Variants in CNTN3 observed in about 807,000 individuals in gnomAD.
CNTN3 encodes the protein contactin 3.
In CNTN3, 60 loss-of-function variants were observed where a neutral mutation model predicts 119.1. The observed-to-expected ratio is 0.50, with a 90% CI of 0.41 to 0.62. The LOEUF is 0.62. Ranked by LOEUF, CNTN3 falls within the 20% of genes least tolerant of loss-of-function variation. CNTN3 has a pLI of 0.00. For missense variants in CNTN3, 1,101 were observed against 1,242.4 expected (o/e 0.89, Z 1.71); for synonymous variants, 450 against 438.7 (o/e 1.03, Z -0.32).
chr3:74,446,016 C>T (rs574555809), intron 4 of CNTN3, among the ~76,000 whole-genome samples: 1 of 152,262 alleles, frequency 6.6e-6, no homozygotes, highest in Non-Finnish European at 1.5e-5. Flanking sequence ...AAGGCCACAT[C>T]TTTGTCCTCC....
chr3:74,553,285 A>G (rs2107163341), intron 1 of CNTN3, among the ~76,000 whole-genome samples: 2 of 152,292 alleles, frequency 1.3e-5, no homozygotes, highest in East Asian at 3.9e-4. Flanking sequence ...TTATGGCTAC[A>G]TAGTATTCCG....
intron 5 of CNTN3, among the ~76,000 whole-genome samples, chr3:74,403,482 C>T (rs1398338643): frequency 6.6e-6 from 1 of 152,112 alleles, no homozygotes; most frequent in Admixed American, 6.6e-5. Flanking sequence ...AGACTCGACC[C>T]AGAAACTTCA....
At chr3:74,357,822 C>T (rs949306483) in intron 11 of CNTN3, among the ~76,000 whole-genome samples, 19 of 152,002 alleles carry the variant, frequency 1.2e-4, no homozygotes, top group Admixed American at 5.9e-4. Context: ...TCATAAATAT[C>T]CCATTAAAAA....
At chr3:74,610,406 G>A (rs1705061858) in intron 1 of CNTN3, among the ~76,000 whole-genome samples, 1 of 151,926 alleles carries the variant, frequency 6.6e-6, no homozygotes, top group Non-Finnish European at 1.5e-5. Flanking sequence ...CGTTAGGGCT[G>A]GACAGGGCTA....
At chr3:74,289,200 TAA>T (rs553851151) in intron 19 of CNTN3, among the ~76,000 whole-genome samples, 93 of 152,372 alleles carry the variant, frequency 6.1e-4, no homozygotes, top group South Asian at 1.0e-3. Context: ...TATCTTGGTG[TAA>T]TTACATAAAT....
intron 13 of CNTN3, among the ~76,000 whole-genome samples, chr3:74,304,504 T>A (rs592843): frequency 0.081 from 12,324 of 152,260 alleles, 606 homozygotes; most frequent in East Asian, 0.23. Flanking sequence ...AAGGTTGTTA[T>A]TCTTGCCAAC....
chr3:74,457,090 A>C (rs1032680042), intron 4 of CNTN3, among the ~76,000 whole-genome samples: 1 of 152,082 alleles, frequency 6.6e-6, no homozygotes, highest in Non-Finnish European at 1.5e-5. Context: ...GAAAAAACAA[A>C]ATTCAGATTC....
chr3:74,445,731 G>A (rs759350988), intron 4 of CNTN3, among the ~76,000 whole-genome samples: 2 of 152,202 alleles, frequency 1.3e-5, no homozygotes, highest in Non-Finnish European at 2.9e-5. Context: ...AGAAAAGAAT[G>A]TGCACTATCA....
intron 1 of CNTN3, among the ~76,000 whole-genome samples, chr3:74,593,903 T>C (rs1313350548): frequency 1.3e-5 from 2 of 151,904 alleles, no homozygotes. Context: ...TGGGCCACCC[T>C]AGAACAGAGT....
intron 13 of CNTN3, among the ~76,000 whole-genome samples, chr3:74,324,012 A>T (rs561501883): frequency 1.9e-3 from 292 of 152,018 alleles, no homozygotes; most frequent in African/African-American, 5.5e-3. Context: ...TCAGAGATTT[A>T]AAAAAAACCA....
At chr3:74,397,217 G>A (rs1705078668) in intron 5 of CNTN3, among the ~76,000 whole-genome samples, 2 of 152,092 alleles carry the variant, frequency 1.3e-5, no homozygotes, top group African/African-American at 4.8e-5. Flanking sequence ...CAAAACATGG[G>A]TGAGAGTATT....
intron 13 of CNTN3, among the ~76,000 whole-genome samples, chr3:74,333,837 AC>A (rs1703328108): frequency 6.6e-6 from 1 of 152,180 alleles, no homozygotes; most frequent in Admixed American, 6.5e-5. Flanking sequence ...AGTTGAGTTG[AC>A]CATCATATGG....
intron 4 of CNTN3, among the ~76,000 whole-genome samples, chr3:74,466,746 T>C (rs1480422667): frequency 6.6e-6 from 1 of 152,096 alleles, no homozygotes; most frequent in African/African-American, 2.4e-5. Flanking sequence ...GTATTTAACA[T>C]AAAAATTTTC....
At chr3:74,579,567 AG>A (rs1415690270) in intron 1 of CNTN3, among the ~76,000 whole-genome samples, 2 of 152,178 alleles carry the variant, frequency 1.3e-5, no homozygotes, top group Non-Finnish European at 2.9e-5. Context: ...AATAATAAAT[AG>A]TATGTTATGT....
intron 4 of CNTN3, among the ~76,000 whole-genome samples, chr3:74,463,792 C>T (rs912909240): frequency 2.6e-5 from 4 of 152,130 alleles, no homozygotes; most frequent in African/African-American, 9.7e-5. Context: ...AATGAAATGA[C>T]GCTGTTGTCT....
chr3:74,359,316 T>A (rs1365967574), intron 11 of CNTN3, among the ~76,000 whole-genome samples: 1 of 152,190 alleles, frequency 6.6e-6, no homozygotes, highest in Non-Finnish European at 1.5e-5. Flanking sequence ...AGTATATGTA[T>A]ATGTACAAAT....
chr3:74,499,859 A>G, intron 2 of CNTN3, 74 bp from the exon 3 acceptor site: 1 of 1,442,712 alleles, frequency 6.9e-7, no homozygotes, highest in Non-Finnish European at 9.3e-7. Context: ...CCAGTATTGA[A>G]GAAAACAAGG....
intron 4 of CNTN3, among the ~76,000 whole-genome samples, chr3:74,455,331 C>T (rs1050882085): frequency 1.2e-4 from 18 of 151,914 alleles, no homozygotes; most frequent in African/African-American, 3.4e-4. Context: ...ACGTAGTTCT[C>T]GAGCCTTGGC....
At chr3:74,382,783 G>A (rs1704653986) in intron 5 of CNTN3, among the ~76,000 whole-genome samples, 1 of 152,126 alleles carries the variant, frequency 6.6e-6, no homozygotes, top group Non-Finnish European at 1.5e-5. Context: ...TGGACACTTA[G>A]GCTGAGTCCA....
Sources: gnomAD v4.1 joint callset for allele counts (sites outside exome capture counted in the v4.1 genomes callset) on GRCh38, gnomAD v4.1.1 for gene constraint, MANE v1.5 for transcripts, NCBI Gene and HGNC (gene_info 2026-07-23, HGNC 2026-07-21) for gene names.